ARMC9: variants seen among roughly 807,000 people sequenced by gnomAD.
The protein encoded by ARMC9 is armadillo repeat containing 9.
Under a neutral mutation model 107.0 loss-of-function variants are expected in ARMC9, and 94 were observed. The observed-to-expected ratio is 0.88, with a 90% CI of 0.74 to 1.04. ARMC9 has a LOEUF of 1.04. Ranked by LOEUF, ARMC9 falls within the 50% of genes least tolerant of loss-of-function variation. The pLI is 0.00. For missense variants in ARMC9, 942 were observed against 1,030.1 expected (o/e 0.91, Z 1.17); for synonymous variants, 380 against 396.9 (o/e 0.96, Z 0.51).
At position 231,199,239 on chromosome 2, in the gene ARMC9, A is replaced by G. The variant is rs560692748; in HGVS notation, c.-42+541A>G. On this transcript the variant is annotated intron_variant, in intron 1 of 24. Coordinates refer to ENST00000611582, the MANE Select transcript of ARMC9 (RefSeq NM_001352754.2). The stretch of plus-strand genomic sequence containing the variant: ...CAAAAGCTGCCGCTGCAATCCCCAA[A>G]TGTAACTGGAAAAGTTTTTCTTAGT... 5.9e-5 allele frequency among the ~76,000 whole-genome samples: 9 copies of G among 152,328 alleles called. No homozygotes were observed. In the South Asian group the frequency reaches 1.9e-3, roughly 32 times the overall value.
At position 231,375,875 on chromosome 2, in the gene ARMC9, G is replaced by GAC. The variant is rs2046181861; in HGVS notation, c.*4341_*4342insCA. Reference sequence around the variant, plus strand: ...AGAAAGAAGACAGCAGGTGTTGTGGGAAGTCAGGGACCCCAAACGGAGGGA... The same window carrying GAC: ...AGAAAGAAGACAGCAGGTGTTGTGGGACAAGTCAGGGACCCCAAACGGAGGGA... On this transcript the variant is annotated 3_prime_UTR_variant, in exon 25 of 25. Transcript: ENST00000611582. This position sits in a 1 kb window ranked among gnomAD's most constrained non-coding sequence, Gnocchi z 4.3. Among the ~76,000 whole-genome samples, 2 of 152,308 alleles carry GAC rather than the reference G, an allele frequency of 1.3e-5. No homozygotes were observed. Among genetic ancestry groups the GAC allele is most frequent in the African/African-American group, 4.8e-5 (2 of 41,564 alleles).
intron 12 of ARMC9, among the ~76,000 whole-genome samples, chr2:231,265,546 A>G (rs950346292): frequency 2.0e-5 from 3 of 152,208 alleles, no homozygotes; most frequent in Non-Finnish European, 4.4e-5. Flanking sequence ...CTAAGATATG[A>G]GGATGCAAAC....
intron 9 of ARMC9, among the ~76,000 whole-genome samples, chr2:231,248,833 A>AG (rs1553604521): frequency 3.4e-4 from 50 of 145,212 alleles, no homozygotes; most frequent in African/African-American, 1.1e-3. Context: ...AAAAAAAAAA[A>AG]GCTGGCCATA....
intron 19 of ARMC9, among the ~76,000 whole-genome samples, chr2:231,324,612 C>T (rs571908811): frequency 6.4e-4 from 97 of 151,782 alleles, no homozygotes; most frequent in South Asian, 5.4e-3. Context: ...TTAGTAGTGG[C>T]GCCTGCCTAT....
intron 7 of ARMC9, among the ~76,000 whole-genome samples, chr2:231,231,630 C>T (rs1017312146): frequency 1.6e-4 from 24 of 151,550 alleles, no homozygotes; most frequent in East Asian, 9.7e-4. Flanking sequence ...GCAATTCAAT[C>T]GCCTTGGCTT....
At chr2:231,299,187 A>C (rs967431752) in intron 19 of ARMC9, among the ~76,000 whole-genome samples, 7 of 152,216 alleles carry the variant, frequency 4.6e-5, no homozygotes, top group African/African-American at 1.4e-4. Context: ...AATTTTAAAA[A>C]AAATAAAGGT....
intron 23 of ARMC9, among the ~76,000 whole-genome samples, chr2:231,369,499 G>T (rs1419813629): frequency 6.6e-6 from 1 of 151,906 alleles, no homozygotes; most frequent in East Asian, 1.9e-4. Context: ...TCACCATATT[G>T]GTCAGGCTGG....
At chr2:231,365,848 G>C (rs1407400282) in intron 23 of ARMC9, among the ~76,000 whole-genome samples, 2 of 152,064 alleles carry the variant, frequency 1.3e-5, no homozygotes, top group African/African-American at 4.8e-5. Flanking sequence ...ACCCAGGCTG[G>C]AGTGCAGTGG....
intron 19 of ARMC9, among the ~76,000 whole-genome samples, chr2:231,323,784 C>A (rs1039253053): frequency 6.6e-6 from 1 of 152,188 alleles, no homozygotes; most frequent in Non-Finnish European, 1.5e-5. Flanking sequence ...TGAATTAGAA[C>A]CTTGGTACAA....
chr2:231,331,095 T>C (rs1425688220), intron 19 of ARMC9, among the ~76,000 whole-genome samples: 1 of 152,102 alleles, frequency 6.6e-6, no homozygotes, highest in Non-Finnish European at 1.5e-5. Context: ...TGACCTGTGA[T>C]CATGCCACTG....
chr2:231,299,240 A>G (rs2041572695), intron 19 of ARMC9, among the ~76,000 whole-genome samples: 2 of 152,264 alleles, frequency 1.3e-5, no homozygotes, highest in African/African-American at 4.8e-5. Flanking sequence ...TGTCTAGGAT[A>G]TAATGTCAAA....
At chr2:231,294,859 T>C (rs2125479874) in intron 18 of ARMC9, 1 of 152,318 alleles carries the variant, frequency 6.6e-6, no homozygotes, top group South Asian at 2.1e-4. Flanking sequence ...GCACAGTAGC[T>C]TTCTAGACTA....
chr2:231,277,447 G>A (rs149357333), intron 15 of ARMC9, among the ~76,000 whole-genome samples: 1 of 152,178 alleles, frequency 6.6e-6, no homozygotes, highest in Non-Finnish European at 1.5e-5. Context: ...GGACTTGTTG[G>A]AGCATCTTCC....
chr2:231,199,652 T>A (rs2030449549), intron 1 of ARMC9, among the ~76,000 whole-genome samples: 1 of 152,238 alleles, frequency 6.6e-6, no homozygotes. Flanking sequence ...CAATAAATGA[T>A]ACCTATTATG....
chr2:231,215,092 G>A, intron 4 of ARMC9, 91 bp downstream of exon 4: 1 of 1,451,466 alleles, frequency 6.9e-7, no homozygotes, highest in South Asian at 1.3e-5. Context: ...GATTTCATAT[G>A]TGGCTGTGCT....
chr2:231,328,086 T>C (rs1220602742), intron 19 of ARMC9, among the ~76,000 whole-genome samples: 1 of 152,182 alleles, frequency 6.6e-6, no homozygotes, highest in African/African-American at 2.4e-5. Flanking sequence ...TCCTGGCCTG[T>C]TTTTGCCATT....
chr2:231,280,869 T>C (rs188723573), intron 16 of ARMC9, among the ~76,000 whole-genome samples: 1 of 152,322 alleles, frequency 6.6e-6, no homozygotes, highest in African/African-American at 2.4e-5. Context: ...CATGAAAAGA[T>C]GTTCAGTCGT....
At chr2:231,369,242 C>T (rs546517132) in intron 23 of ARMC9, among the ~76,000 whole-genome samples, 72 of 152,216 alleles carry the variant, frequency 4.7e-4, no homozygotes, top group African/African-American at 1.7e-3. Flanking sequence ...CTGCATTTCC[C>T]CACCTTATGC....
rs1040568165 is a variant in ARMC9 at position 231,255,765 on chromosome 2, C to T, written c.880-821C>T. 2.0e-5 allele frequency among the ~76,000 whole-genome samples: 3 copies of T among 152,146 alleles called. No individual in the cohort carries two copies. Among genetic ancestry groups the T allele is most frequent in the African/African-American group, 7.2e-5 (3 of 41,430 alleles). ...AAACTTTGCACATCTGGGCCAGGCG[C>T]AGTGGCTCACGCCTGTAATCCCAAC... On this transcript the variant is annotated intron_variant, in intron 9 of 24. Transcript: ENST00000611582. The surrounding 1 kb of genome is among the most constrained non-coding windows in gnomAD (Gnocchi z 4.7).
Sources: gnomAD v4.1 joint callset for allele counts (sites outside exome capture counted in the v4.1 genomes callset) on GRCh38, gnomAD v4.1.1 for gene constraint, Gnocchi (gnomAD v3.1) non-coding constraint, MANE v1.5 for transcripts, NCBI Gene and HGNC (gene_info 2026-07-23, HGNC 2026-07-21) for gene names.